Variants in CBLN2 observed in about 807,000 individuals in gnomAD.
The protein encoded by CBLN2 is cerebellin 2 precursor.
Under a neutral mutation model 15.0 loss-of-function variants are expected in CBLN2, and 7 were observed. The observed-to-expected ratio is 0.47, with a 90% CI of 0.27 to 0.88. The LOEUF is 0.88. Ranked by LOEUF, CBLN2 falls within the 40% of genes least tolerant of loss-of-function variation. The probability of loss-of-function intolerance (pLI) is 0.14; values close to 1 mark genes in which losing one functional copy is unlikely to be tolerated. For synonymous variants in CBLN2, 149 were observed against 135.2 expected (o/e 1.10, Z -0.71); for missense variants, 242 against 304.5 (o/e 0.79, Z 1.53).
intron 1 of CBLN2, among the ~76,000 whole-genome samples, chr18:72,589,720 A>G (rs964957378): frequency 2.0e-5 from 3 of 152,228 alleles, no homozygotes; most frequent in African/African-American, 7.2e-5. Flanking sequence ...TAATCCAATT[A>G]TCTTGGAAAC....
At chr18:72,632,939 T>G (rs574131606) in intron 1 of CBLN2, among the ~76,000 whole-genome samples, 1 of 152,278 alleles carries the variant, frequency 6.6e-6, no homozygotes, top group Admixed American at 6.5e-5. Flanking sequence ...GACATAAATT[T>G]TGAATAAATT....
At chr18:72,634,611 G>C (rs1204950238) in intron 1 of CBLN2, among the ~76,000 whole-genome samples, 1 of 152,086 alleles carries the variant, frequency 6.6e-6, no homozygotes. Context: ...TTAGACAAGT[G>C]GTATTAATAT....
chr18:72,564,424 T>C (rs2069281332), intron 1 of CBLN2, among the ~76,000 whole-genome samples: 1 of 151,930 alleles, frequency 6.6e-6, no homozygotes, highest in African/African-American at 2.4e-5. Context: ...AGTCGAGAGC[T>C]TCAGCAACAA....
intron 1 of CBLN2, chr18:72,630,884 A>T (rs561447197): frequency 6.7e-4 from 102 of 152,258 alleles, no homozygotes; most frequent in African/African-American, 2.4e-3. Flanking sequence ...AATTAATACA[A>T]GCCATATATG....
chr18:72,606,697 A>AT (rs1209383111), intron 1 of CBLN2, among the ~76,000 whole-genome samples: 3 of 152,252 alleles, frequency 2.0e-5, no homozygotes, highest in Non-Finnish European at 4.4e-5. Context: ...AACAGAACAC[A>AT]TCTGGATGGG....
chr18:72,619,321 T>C, intron 1 of CBLN2: 1 of 564,276 alleles, frequency 1.8e-6, no homozygotes, highest in Non-Finnish European at 3.3e-6. Context: ...CCAAGCACAG[T>C]GGTGGCAGGG....
chr18:72,578,548 C>T (rs1599008086), intron 1 of CBLN2, among the ~76,000 whole-genome samples: 1 of 152,278 alleles, frequency 6.6e-6, no homozygotes, highest in East Asian at 1.9e-4. Flanking sequence ...TTGTCCCCTC[C>T]TTTTTCTACT....
chr18:72,630,495 A>AACACACACACACACAC (rs3030024), intron 1 of CBLN2, among the ~76,000 whole-genome samples: 1 of 140,494 alleles, frequency 7.1e-6, no homozygotes, highest in African/African-American at 2.7e-5. Context: ...CTACTGCTCC[A>AACACACACACACACAC]ACACACACAC....
At chr18:72,590,227 T>C (rs893354324) in intron 1 of CBLN2, among the ~76,000 whole-genome samples, 4 of 149,698 alleles carry the variant, frequency 2.7e-5, no homozygotes, top group Admixed American at 1.3e-4. Flanking sequence ...ATGGCGCCAC[T>C]GCACTCCAGC....
At chr18:72,586,916 T>C (rs12956640) in intron 1 of CBLN2, among the ~76,000 whole-genome samples, 80,766 of 151,768 alleles carry the variant, frequency 0.53, 25,969 homozygotes, top group Non-Finnish European at 0.73. Context: ...ATCCTAAGGT[T>C]AAAATTTTCA....
intron 1 of CBLN2, among the ~76,000 whole-genome samples, chr18:72,551,103 T>C (rs764489570): frequency 6.6e-6 from 1 of 152,076 alleles, no homozygotes; most frequent in East Asian, 1.9e-4. Context: ...ACATCTAGTA[T>C]AGCATCTTTA....
At chr18:72,628,208 C>G (rs892128018) in intron 1 of CBLN2, among the ~76,000 whole-genome samples, 2 of 152,104 alleles carry the variant, frequency 1.3e-5, no homozygotes, top group African/African-American at 4.8e-5. Flanking sequence ...TTAAGAGATC[C>G]CCTGTGTGTT....
intron 1 of CBLN2, among the ~76,000 whole-genome samples, chr18:72,606,947 T>C (rs1279161679): frequency 1.3e-5 from 2 of 152,252 alleles, no homozygotes; most frequent in East Asian, 3.8e-4. Context: ...TGTATCCCTG[T>C]AAATTCAAAT....
chr18:72,553,564 C>T (rs1220864441), intron 1 of CBLN2, among the ~76,000 whole-genome samples: 1 of 152,000 alleles, frequency 6.6e-6, no homozygotes, highest in Admixed American at 6.6e-5. Context: ...GGTTAGGTTA[C>T]TCAACAAAAC....
intron 1 of CBLN2, among the ~76,000 whole-genome samples, chr18:72,566,749 TAAC>T (rs988402814): frequency 1.3e-5 from 2 of 152,190 alleles, no homozygotes; most frequent in African/African-American, 4.8e-5. Flanking sequence ...GAAGGGTAGT[TAAC>T]AATGATGTAT....
chr18:72,542,185 G>A lies in CBLN2; in HGVS notation c.-25C>T. ...TCGGGACTGGTGGGAGGCGGCGCGC[G>A]GGGGTGGAGGCCGGCGCCGGCGCGA... On this transcript the variant is annotated 5_prime_UTR_variant, in exon 3 of 5. Coordinates refer to ENST00000269503, the MANE Select transcript of CBLN2 (RefSeq NM_182511.4). 8.3e-7 allele frequency: 1 copy of A among 1,204,376 alleles called. No homozygotes were observed. The highest frequency in any genetic ancestry group is 4.4e-5 in the Admixed American group (1 of 22,638). The allele number at this position is 1,204,376 out of a possible 1,614,324, so 74.6% of individuals were successfully genotyped here. A position where few individuals can be genotyped will look rare whatever the true frequency, so the allele number is the denominator to read the frequency against.
chr18:72,561,669 G>A (rs1002321485), intron 1 of CBLN2, among the ~76,000 whole-genome samples: 10 of 152,286 alleles, frequency 6.6e-5, no homozygotes, highest in African/African-American at 2.2e-4. Context: ...ACTATAGTGC[G>A]TATTACTTCT....
chr18:72,629,491 C>T (rs755968056), intron 1 of CBLN2, among the ~76,000 whole-genome samples: 12 of 151,918 alleles, frequency 7.9e-5, no homozygotes, highest in Non-Finnish European at 1.5e-4. Context: ...AAGCAATGGC[C>T]TAGTGACTTC....
intron 1 of CBLN2, among the ~76,000 whole-genome samples, chr18:72,613,958 A>G (rs535878595): frequency 6.6e-6 from 1 of 152,306 alleles, no homozygotes; most frequent in South Asian, 2.1e-4. Context: ...CCTCTAGCCC[A>G]GAGATGTGTT....
Sources: gnomAD v4.1 joint callset for allele counts (sites outside exome capture counted in the v4.1 genomes callset) on GRCh38, gnomAD v4.1.1 for gene constraint, MANE v1.5 for transcripts, NCBI Gene and HGNC (gene_info 2026-07-23, HGNC 2026-07-21) for gene names.